Variants in OPRM1 observed in about 807,000 individuals in gnomAD.
OPRM1 encodes mu-type opioid receptor.
In OPRM1, 27 loss-of-function variants were observed where a neutral mutation model predicts 31.8. That is an observed-to-expected ratio of 0.85 (90% CI 0.63 to 1.17). OPRM1 has a LOEUF of 1.17. OPRM1 is among the 50% of genes most tolerant of loss of function. OPRM1 has a pLI of 0.00. For synonymous variants in OPRM1, 196 were observed against 189.9 expected, an observed-to-expected ratio of 1.03 and a Z score of -0.26; for missense variants, 536 against 511.1, an observed-to-expected ratio of 1.05 and a Z score of -0.47.
chr6:154,152,364 GAAAGAA>G, intron 3 of OPRM1, among the ~76,000 whole-genome samples: 8 of 147,016 alleles, frequency 5.4e-5, no homozygotes, highest in African/African-American at 2.1e-4. Flanking sequence ...AAGAAAGAAA[GAAAGAA>G]AGAAAGAAAG....
intron 3 of OPRM1, among the ~76,000 whole-genome samples, chr6:154,105,655 A>C (rs1163217394): frequency 6.6e-6 from 1 of 152,234 alleles, no homozygotes; most frequent in Non-Finnish European, 1.5e-5. Flanking sequence ...TGTGGCACAC[A>C]GAATTTTACA....
intron 3 of OPRM1, among the ~76,000 whole-genome samples, chr6:154,187,289 C>T (rs192038096): frequency 3.1e-4 from 47 of 152,258 alleles, no homozygotes; most frequent in South Asian, 2.5e-3. Context: ...TGCCCTGCCT[C>T]TTGTAAAAAA....
chr6:154,203,329 T>G (rs6919006), intron 3 of OPRM1, among the ~76,000 whole-genome samples: 15,365 of 152,218 alleles, frequency 0.1, 1,260 homozygotes, highest in African/African-American at 0.23. Flanking sequence ...GTGCTTTGCC[T>G]GGTGCTTCTG....
intron 3 of OPRM1, among the ~76,000 whole-genome samples, chr6:154,144,231 TAC>T: frequency 6.6e-6 from 1 of 152,220 alleles, no homozygotes; most frequent in Non-Finnish European, 1.5e-5. Context: ...TGAAGACTTC[TAC>T]TAAACGTTTA....
chr6:154,100,139 ATATATTATCATATTATGACG>A (rs1794518212), intron 3 of OPRM1, among the ~76,000 whole-genome samples: 1 of 100,158 alleles, frequency 1.0e-5, no homozygotes, highest in African/African-American at 3.9e-5. Flanking sequence ...GACATATAAT[ATATATTATCATATTATGACG>A]TATCATAATA....
intron 3 of OPRM1, among the ~76,000 whole-genome samples, chr6:154,117,897 GA>G (rs915022960): frequency 1.9e-4 from 28 of 145,550 alleles, no homozygotes; most frequent in African/African-American, 4.7e-4. Flanking sequence ...GTATGAGAGA[GA>G]AAAAAAGAGA....
intron 3 of OPRM1, chr6:154,107,481 A>C (rs943716115): frequency 2.8e-6 from 2 of 718,478 alleles, no homozygotes; most frequent in African/African-American, 3.5e-5. Flanking sequence ...TTGAACCTGG[A>C]CTGTCACTGT....
intron 3 of OPRM1, among the ~76,000 whole-genome samples, chr6:154,230,855 T>C (rs1035438049): frequency 4.6e-5 from 7 of 152,120 alleles, no homozygotes; most frequent in Admixed American, 6.5e-5. Context: ...AGGTCTTAAA[T>C]AGAATCTTGA....
chr6:154,230,275 T>C (rs942749846), intron 3 of OPRM1, among the ~76,000 whole-genome samples: 13 of 152,298 alleles, frequency 8.5e-5, no homozygotes, highest in African/African-American at 2.9e-4. Flanking sequence ...AAATCTCCCA[T>C]GCAGATGGGG....
chr6:154,185,866 G>A (rs1225697482), intron 3 of OPRM1, among the ~76,000 whole-genome samples: 2 of 152,236 alleles, frequency 1.3e-5, no homozygotes, highest in Non-Finnish European at 2.9e-5. Flanking sequence ...TGAGCCACAA[G>A]TTGGATAAGC....
intron 3 of OPRM1, among the ~76,000 whole-genome samples, chr6:154,239,894 G>C (rs1368259263): frequency 6.6e-6 from 1 of 152,114 alleles, no homozygotes; most frequent in Non-Finnish European, 1.5e-5. Flanking sequence ...GTAGAGGGGG[G>C]TTTCACCATG....
chr6:154,038,407 G>C (rs1227594974), upstream of OPRM1, among the ~76,000 whole-genome samples: 1 of 152,092 alleles, frequency 6.6e-6, no homozygotes, highest in African/African-American at 2.4e-5. Flanking sequence ...TAGAAGTAAG[G>C]TATAAAATTC....
intron 3 of OPRM1, among the ~76,000 whole-genome samples, chr6:154,242,965 G>A (rs1780718457): frequency 6.6e-6 from 1 of 152,180 alleles, no homozygotes; most frequent in South Asian, 2.1e-4. Context: ...GAGAAGGTAC[G>A]TGCCTCTAGA....
chr6:154,230,811 C>T (rs1779659142), intron 3 of OPRM1, among the ~76,000 whole-genome samples: 1 of 152,118 alleles, frequency 6.6e-6, no homozygotes. Context: ...ATTGCAACAT[C>T]TTCTCCCCTA....
chr6:154,087,403 G>A (rs1790855077), intron 1 of OPRM1: 1 of 985,306 alleles, frequency 1.0e-6, no homozygotes. Context: ...CGGAAAAACA[G>A]TAAACACAAG....
chr6:154,096,096 C>T (rs1012919411), intron 3 of OPRM1, among the ~76,000 whole-genome samples: 4 of 152,108 alleles, frequency 2.6e-5, no homozygotes, highest in Admixed American at 6.5e-5. Context: ...ATTACTCTGT[C>T]GCCCAGGCTG....
chr6:154,132,678 C>CT (rs540870007), downstream of OPRM1, among the ~76,000 whole-genome samples: 2 of 152,110 alleles, frequency 1.3e-5, no homozygotes, highest in African/African-American at 4.8e-5. Context: ...TGATAGTCTA[C>CT]TTTTTTTAAA....
chr6:154,116,601 GA>G (rs1796907905), intron 3 of OPRM1, among the ~76,000 whole-genome samples: 1 of 145,374 alleles, frequency 6.9e-6, no homozygotes, highest in Non-Finnish European at 1.5e-5. Context: ...AAAAAAAAAA[GA>G]AAAGAAAAGA....
At chr6:154,039,070 A>G (rs1583169079), upstream of OPRM1, 4 of 1,392,092 alleles carry the variant, frequency 2.9e-6, no homozygotes, top group East Asian at 1.0e-4. Flanking sequence ...TGGAAAATTG[A>G]GTGATGTTAG....
Sources: gnomAD v4.1 joint callset for allele counts (sites outside exome capture counted in the v4.1 genomes callset) on GRCh38, gnomAD v4.1.1 for gene constraint, MANE v1.5 for transcripts, NCBI Gene and HGNC (gene_info 2026-07-23, HGNC 2026-07-21) for gene names.